The following UBR3 variants were observed in gnomAD, a reference collection of about 807,000 sequenced individuals.
UBR3 encodes the protein ubiquitin protein ligase E3 component n-recognin 3.
A neutral mutation model predicts 243.2 loss-of-function variants in UBR3; 85 were observed. The ratio of observed to expected loss-of-function variants is 0.35; its 90% CI spans 0.29 to 0.42. The LOEUF is 0.42. UBR3 is among the 10% of genes least tolerant of loss of function. The pLI is 1.00. For synonymous variants in UBR3, 748 were observed against 799.8 expected, an observed-to-expected ratio of 0.94 and a Z score of 1.09; for missense variants, 1,686 against 2,300.8, an observed-to-expected ratio of 0.73 and a Z score of 5.47.
chr2:170,073,884 C>T (rs1032700959), intron 36 of UBR3, among the ~76,000 whole-genome samples: 1 of 152,010 alleles, frequency 6.6e-6, no homozygotes, highest in African/African-American at 2.4e-5. Flanking sequence ...TTGGTAGATA[C>T]AAAGGAATTT....
At chr2:170,003,090 A>G (rs566876118) in intron 27 of UBR3, among the ~76,000 whole-genome samples, 1 of 152,088 alleles carries the variant, frequency 6.6e-6, no homozygotes, top group Non-Finnish European at 1.5e-5. Flanking sequence ...CCAAAATTCT[A>G]TTGATTCTGC....
intron 24 of UBR3, among the ~76,000 whole-genome samples, chr2:169,969,011 A>T (rs1574306974): frequency 6.6e-6 from 1 of 152,130 alleles, no homozygotes; most frequent in Admixed American, 6.6e-5. Flanking sequence ...GAAATGACTT[A>T]TCAGATAATT....
At chr2:169,846,614 G>A (rs1357018690) in intron 1 of UBR3, among the ~76,000 whole-genome samples, 1 of 151,606 alleles carries the variant, frequency 6.6e-6, no homozygotes, top group Non-Finnish European at 1.5e-5. Flanking sequence ...GGAGGCTGAG[G>A]CAGGAGAATC....
chr2:170,069,542 C>T (rs1447232176), intron 35 of UBR3, among the ~76,000 whole-genome samples: 2 of 151,962 alleles, frequency 1.3e-5, no homozygotes, highest in Non-Finnish European at 2.9e-5. Flanking sequence ...CTCTCCAGAA[C>T]TTATTCATCT....
chr2:169,996,693 G>GTT (rs397871702), intron 26 of UBR3, among the ~76,000 whole-genome samples: 19,701 of 64,152 alleles, frequency 0.31, 2,038 homozygotes, highest in East Asian at 0.51. Flanking sequence ...TTGGACTTTT[G>GTT]TTTTTTTTTT....
rs1279908657 is a variant in UBR3, at chr2:170,082,633, G to A, written c.*790G>A. The A allele has an allele frequency of 3.9e-5, 6 of 152,588 alleles. No homozygotes were observed. The highest frequency in any genetic ancestry group is 3.3e-4 in the Admixed American group (5 of 15,276). 9.5% of individuals were successfully genotyped at this position (152,588 alleles called of 1,614,324 possible). On this transcript the variant is annotated 3_prime_UTR_variant, in exon 39 of 39. Transcript: ENST00000272793. The stretch of plus-strand genomic sequence containing the variant: ...ATAACAAATCTTACTATGAAATCAA[G>A]AGGTTTAAGAACATACACTGGGCAG...
At chr2:170,002,067 T>C (rs1209739838) in intron 27 of UBR3, among the ~76,000 whole-genome samples, 1 of 152,138 alleles carries the variant, frequency 6.6e-6, no homozygotes, top group African/African-American at 2.4e-5. Flanking sequence ...ACATAAGTTC[T>C]CTTGTCTTCA....
intron 1 of UBR3, among the ~76,000 whole-genome samples, chr2:169,845,160 T>C (rs532526380): frequency 6.6e-6 from 1 of 152,238 alleles, no homozygotes; most frequent in African/African-American, 2.4e-5. Context: ...TGGTGGCTTC[T>C]GCCTGTAATC....
intron 24 of UBR3, among the ~76,000 whole-genome samples, chr2:169,960,236 C>CAAAA (rs11461641): frequency 1.6e-4 from 10 of 63,980 alleles, no homozygotes; most frequent in African/African-American, 2.6e-4. Flanking sequence ...GTGACAAGAG[C>CAAAA]AAAAAAAAAA....
intron 16 of UBR3, 101 bp downstream of exon 16, chr2:169,927,072 A>G: frequency 7.5e-7 from 1 of 1,335,956 alleles, no homozygotes; most frequent in Non-Finnish European, 1.0e-6. Flanking sequence ...GAAAGGATGT[A>G]GATAAATGTA....
intron 30 of UBR3, among the ~76,000 whole-genome samples, chr2:170,016,422 C>T (rs893638391): frequency 6.6e-6 from 1 of 151,250 alleles, no homozygotes; most frequent in African/African-American, 2.4e-5. Context: ...AAAAATTGAC[C>T]CCTTTATGCA....
chr2:169,961,872 A>AT (rs1450271777), intron 24 of UBR3, among the ~76,000 whole-genome samples: 22 of 94,314 alleles, frequency 2.3e-4, no homozygotes, highest in Non-Finnish European at 4.5e-4. Context: ...ATTTTTTCCC[A>AT]TGTTTTTTTT....
At chr2:169,851,112 C>A (rs1043062050) in intron 1 of UBR3, among the ~76,000 whole-genome samples, 1 of 152,070 alleles carries the variant, frequency 6.6e-6, no homozygotes, top group Non-Finnish European at 1.5e-5. Flanking sequence ...CGTCTACCAC[C>A]TTGCTAATTT....
intron 1 of UBR3, among the ~76,000 whole-genome samples, chr2:169,838,834 G>A (rs1574013092): frequency 6.6e-6 from 1 of 152,266 alleles, no homozygotes; most frequent in African/African-American, 2.4e-5. Context: ...GCTTCATCCT[G>A]TGGCAGATTT....
chr2:169,882,133 A>C (rs1239589322), intron 5 of UBR3, among the ~76,000 whole-genome samples: 1 of 128,678 alleles, frequency 7.8e-6, no homozygotes, highest in Non-Finnish European at 1.5e-5. Context: ...TTATATACAT[A>C]TATTTATATT....
intron 5 of UBR3, among the ~76,000 whole-genome samples, chr2:169,880,422 T>C (rs2083777776): frequency 6.6e-6 from 1 of 152,208 alleles, no homozygotes; most frequent in African/African-American, 2.4e-5. Flanking sequence ...TCTGGATATG[T>C]AAAAAGCTGA....
Position 169,948,757 on chromosome 2 carries a change from A to T in UBR3, c.3085-848A>T, listed in dbSNP as rs1422182086. Among the ~76,000 whole-genome samples, 4 of 152,038 alleles carry T rather than the reference A, an allele frequency of 2.6e-5. No individual in the cohort carries two copies. In the East Asian group the frequency reaches 7.7e-4, roughly 29 times the overall value. ...AACTCACAAAAGCTCAACTGATATT[A>T]CAGCATCCTTTCTATGCTCGCTTTT... is the stretch of plus-strand genomic sequence containing the variant. On this transcript the variant is annotated intron_variant, in intron 22 of 38. Coordinates refer to ENST00000272793, the MANE Select transcript of UBR3 (RefSeq NM_172070.4).
At chr2:169,966,437 C>A (rs1321960858) in intron 24 of UBR3, among the ~76,000 whole-genome samples, 1 of 152,070 alleles carries the variant, frequency 6.6e-6, no homozygotes, top group Non-Finnish European at 1.5e-5. Flanking sequence ...ATCCCTGATC[C>A]CACTATCCAA....
chr2:169,917,386 C>G (rs559600690), intron 11 of UBR3, among the ~76,000 whole-genome samples: 1 of 152,154 alleles, frequency 6.6e-6, no homozygotes, highest in Non-Finnish European at 1.5e-5. Flanking sequence ...ATCCAGTTTT[C>G]TTTGGTATTT....
Sources: allele counts gnomAD v4.1 joint callset (sites outside exome capture counted in the v4.1 genomes callset), GRCh38; gene constraint gnomAD v4.1.1; transcripts MANE v1.5; gene names NCBI Gene and HGNC (gene_info 2026-07-23, HGNC 2026-07-21).